Variants in CDH11 observed in about 807,000 individuals in gnomAD.
CDH11 encodes cadherin 11, also known as cadherin-11.
Under a neutral mutation model 67.8 loss-of-function variants are expected in CDH11, and 11 were observed. That is an observed-to-expected ratio of 0.16 (90% CI 0.10 to 0.27). CDH11 has a LOEUF of 0.27. Among genes scored for constraint, CDH11 ranks in the 10% least tolerant of loss-of-function variants. The pLI is 1.00. For synonymous variants in CDH11, 419 were observed against 400.0 expected (o/e 1.05, Z -0.57); for missense variants, 847 against 1,031.2 (o/e 0.82, Z 2.45).
At chr16:64,985,298 T>C (rs924694318) in intron 7 of CDH11, 2 of 152,186 alleles carry the variant, frequency 1.3e-5, no homozygotes, top group African/African-American at 4.8e-5. Context: ...TATCTAGTAA[T>C]TATTTCTTGA....
intron 1 of CDH11, among the ~76,000 whole-genome samples, chr16:65,079,144 G>T (rs2074566686): frequency 6.6e-6 from 1 of 152,090 alleles, no homozygotes; most frequent in South Asian, 2.1e-4. Context: ...GGACACAATG[G>T]CATATACAAC....
intron 1 of CDH11, among the ~76,000 whole-genome samples, chr16:65,079,542 G>A (rs2074575060): frequency 6.6e-6 from 1 of 152,160 alleles, no homozygotes; most frequent in Non-Finnish European, 1.5e-5. Context: ...TCAGCATTCT[G>A]CTGTGTCTCC....
chr16:64,988,652 T>TTTA (rs1289686502), intron 6 of CDH11, among the ~76,000 whole-genome samples: 28 of 152,276 alleles, frequency 1.8e-4, no homozygotes, highest in African/African-American at 6.5e-4. Flanking sequence ...TGGAGAACCA[T>TTTA]GCATGTCTTC....
At chr16:65,002,898 C>T (rs531107469) in intron 3 of CDH11, among the ~76,000 whole-genome samples, 1 of 151,286 alleles carries the variant, frequency 6.6e-6, no homozygotes, top group East Asian at 1.9e-4. Flanking sequence ...CATTGAATGT[C>T]CTCATTATTC....
chr16:64,963,306 T>C (rs257340), intron 11 of CDH11, among the ~76,000 whole-genome samples: 109,079 of 151,978 alleles, frequency 0.72, 41,481 homozygotes, highest in East Asian at 1. Context: ...TCAACAGAAA[T>C]AGAGAATGCC....
rs750533734 is a variant in CDH11 at position 64,988,185 on chromosome 16, G to A, written c.971C>T (p.Thr324Ile). ...TTTCAGCTTTATCACCCCCTCCTGT[G>A]TTTCATAGTCCGTTGTGATTTCAAA... is the stretch of plus-strand genomic sequence containing the variant. ...ESFEITTDYE[T>I]QEGVIKLKKP... The change falls in exon 7 of 13, where the codon ACA becomes ATA. Residue 324 changes from threonine to isoleucine, a missense_variant. Thr to Ile is a moderately conservative substitution (Grantham distance 89, BLOSUM62 -1). This residue lies in a region of CDH11 where 612 missense variants were observed against 678.7 expected (regional missense o/e 0.90). Coordinates refer to ENST00000268603, the MANE Select transcript of CDH11 (RefSeq NM_001797.4). The A allele has an allele frequency of 6.2e-7, 1 of 1,611,218 alleles. No individual in the cohort carries two copies. Among genetic ancestry groups the A allele is most frequent in the Middle Eastern group, 1.7e-4 (1 of 6,046 alleles).
At chr16:64,979,003 C>T (rs910063034) in intron 8 of CDH11, among the ~76,000 whole-genome samples, 2 of 151,990 alleles carry the variant, frequency 1.3e-5, no homozygotes, top group Non-Finnish European at 2.9e-5. Flanking sequence ...GAAAAAAATG[C>T]AAATCATATA....
intron 1 of CDH11, among the ~76,000 whole-genome samples, chr16:65,115,025 GA>G (rs2075218788): frequency 6.6e-6 from 1 of 152,166 alleles, no homozygotes; most frequent in African/African-American, 2.4e-5. Context: ...GATTTATCAA[GA>G]GACTAATTAT....
intron 11 of CDH11, among the ~76,000 whole-genome samples, chr16:64,965,390 A>G (rs947124772): frequency 1.3e-5 from 2 of 151,860 alleles, no homozygotes; most frequent in South Asian, 4.2e-4. Context: ...TCGAAAAAAA[A>G]CCTTTTTGCT....
intron 6 of CDH11, among the ~76,000 whole-genome samples, chr16:64,990,525 G>A (rs762213446): frequency 5.6e-5 from 7 of 124,956 alleles, no homozygotes; most frequent in Non-Finnish European, 1.0e-4. Flanking sequence ...CAGCACCACA[G>A]TCATACTGTC....
In CDH11 at chr16:65,099,762, G is replaced by A. The variant is rs774318050; in HGVS notation, c.-298+22118C>T. Among the ~76,000 whole-genome samples the A allele has an allele frequency of 1.0e-3, 152 of 152,072 alleles. 1 individual carries two copies. The highest frequency in any genetic ancestry group is 3.5e-4 in the Non-Finnish European group (24 of 68,032). The stretch of plus-strand genomic sequence containing the variant: ...CATCCAGTCTTGACAGAAGCTAGAC[G>A]ACTCCATGAGGGCAAGTCATAACTT... On this transcript the variant is annotated intron_variant, in intron 1 of 12. Coordinates refer to ENST00000268603, the MANE Select transcript of CDH11 (RefSeq NM_001797.4).
chr16:65,110,595 T>A (rs2075139223), intron 1 of CDH11, among the ~76,000 whole-genome samples: 1 of 150,952 alleles, frequency 6.6e-6, no homozygotes, highest in Non-Finnish European at 1.5e-5. Context: ...ACTGCTACAG[T>A]GACCAGAATG....
At chr16:65,102,961 C>G (rs898418580) in intron 1 of CDH11, among the ~76,000 whole-genome samples, 1 of 152,178 alleles carries the variant, frequency 6.6e-6, no homozygotes, top group African/African-American at 2.4e-5. Flanking sequence ...CTACTGCTGT[C>G]TATCAATTCA....
intron 6 of CDH11, among the ~76,000 whole-genome samples, chr16:64,990,075 T>C (rs2072592092): frequency 6.6e-6 from 1 of 152,224 alleles, no homozygotes; most frequent in Non-Finnish European, 1.5e-5. Flanking sequence ...ATGTCCTATG[T>C]GGATTTTGTC....
chr16:64,993,706 G>A (rs554776623), intron 4 of CDH11, among the ~76,000 whole-genome samples: 2 of 152,246 alleles, frequency 1.3e-5, no homozygotes, highest in South Asian at 2.1e-4. Flanking sequence ...GGGAAACCAG[G>A]AAATTGAAGA....
rs376953779 is a variant in CDH11, at chr16:64,971,939, A to T, written c.1516T>A (p.Ser506Thr). The T allele has an allele frequency of 1.9e-6, 3 of 1,613,850 alleles. No individual in the cohort carries two copies. The African/African-American group carries it at 4.0e-5, about 22-fold the overall frequency. Residue 506 changes from serine (S) to threonine (T), a missense_variant, in exon 10 of 13, where the codon TCC (serine) becomes ACC (threonine). Around this residue, in one of 2 missense-constraint regions of CDH11, gnomAD observed 612 missense variants for 678.7 expected, o/e 0.90. Coordinates refer to ENST00000268603, the MANE Select transcript of CDH11 (RefSeq NM_001797.4). ...AGGGAAAGCAGGATTACCTGGTTGG[A>T]AAGTGGCTTGGTCTGATCACTCTCA... ...ICESDQTKPL[S>T]NQPIVTISAD... is the part of the protein sequence containing the mutation.
In CDH11 at chr16:65,108,207, C is replaced by T. The variant is rs116329642; in HGVS notation, c.-298+13673G>A. On this transcript the variant is annotated intron_variant, in intron 1 of 12. Transcript: ENST00000268603. ...ATGCCTCAGGATCTGATCCGTTCCT[C>T]ACTTCAAAGATGTGACTTCTCAGGC... Among the ~76,000 whole-genome samples, 702 of 152,252 alleles carry T rather than the reference C, an allele frequency of 4.6e-3. 9 individuals carry two copies. Among genetic ancestry groups the T allele is most frequent in the African/African-American group, 0.016 (660 of 41,544 alleles).
In CDH11 at chr16:64,976,779, C is replaced by T. The variant is rs146920044; in HGVS notation, c.1254-3739G>A. On this transcript the variant is annotated intron_variant, in intron 8 of 12. Coordinates refer to ENST00000268603, the MANE Select transcript of CDH11 (RefSeq NM_001797.4). ...GAGAGAATTGCTTGAACCCAGGAGGCGGAGGTTGCAGTGAGCTGGGATCAC... is the reference window on the plus strand; with the variant it reads ...GAGAGAATTGCTTGAACCCAGGAGGTGGAGGTTGCAGTGAGCTGGGATCAC... 2.3e-3 allele frequency among the ~76,000 whole-genome samples: 350 copies of T among 152,176 alleles called. 3 individuals carry two copies. Among genetic ancestry groups the T allele is most frequent in the African/African-American group, 7.7e-3 (318 of 41,544 alleles).
chr16:65,041,851 C>T (rs1454249344), intron 2 of CDH11, among the ~76,000 whole-genome samples: 4 of 152,194 alleles, frequency 2.6e-5, no homozygotes, highest in African/African-American at 4.8e-5. Context: ...TGCTAATGCA[C>T]GGGCAGGGAA....
Sources: gnomAD v4.1 joint callset for allele counts (sites outside exome capture counted in the v4.1 genomes callset) on GRCh38, gnomAD v4.1.1 for gene constraint, gnomAD v4.1.1 regional missense constraint, MANE v1.5 for transcripts, NCBI Gene and HGNC (gene_info 2026-07-23, HGNC 2026-07-21) for gene names.